S100A8: variants seen among roughly 807,000 people sequenced by gnomAD.
S100A8 encodes the protein S100 calcium binding protein A8.
Under a neutral mutation model 4.2 loss-of-function variants are expected in S100A8, and 1 was observed. The observed-to-expected ratio is 0.24, with a 90% CI of 0.08 to 1.12. The LOEUF (loss-of-function observed/expected upper bound fraction) is 1.12, where lower values mean the gene tolerates loss of function less well. Among genes scored for constraint, S100A8 ranks in the 50% most tolerant of loss-of-function variants. The pLI, the probability that S100A8 is intolerant of heterozygous loss-of-function variation, is 0.53. For synonymous variants in S100A8, 41 were observed against 44.7 expected, an observed-to-expected ratio of 0.92 and a Z score of 0.33; for missense variants, 96 against 111.8, an observed-to-expected ratio of 0.86 and a Z score of 0.64.
At chr1:153,417,861 G>T in the S100A8 span, 1 of 561,388 alleles carries the variant, frequency 1.8e-6, no homozygotes. Flanking sequence ...TCTCTTCTTG[G>T]CCCTGGCCAG....
chr1:153,405,329 G>A, the S100A8 span, among the ~76,000 whole-genome samples: 1 of 149,782 alleles, frequency 6.7e-6, no homozygotes. Flanking sequence ...CCATTCGACA[G>A]GATGGTGGGT....
the S100A8 span, among the ~76,000 whole-genome samples, chr1:153,398,829 A>G: frequency 2.0e-5 from 3 of 152,202 alleles, no homozygotes; most frequent in Non-Finnish European, 2.9e-5. Flanking sequence ...CAGAGAGGAT[A>G]AGTAATTTCC....
At chr1:153,418,209 T>A in the S100A8 span, 1 of 1,613,958 alleles carries the variant, frequency 6.2e-7, no homozygotes, top group Non-Finnish European at 8.5e-7. Context: ...CTTCCCCAAT[T>A]TCCTCAGTGC....
chr1:153,397,206 C>T, the S100A8 span, among the ~76,000 whole-genome samples: 2 of 152,258 alleles, frequency 1.3e-5, no homozygotes, highest in Non-Finnish European at 2.9e-5. Flanking sequence ...ACACTGGGAG[C>T]TCCCCAAGAG....
the S100A8 span, chr1:153,420,603 TCTC>T: frequency 6.6e-6 from 1 of 152,304 alleles, no homozygotes; most frequent in Non-Finnish European, 1.5e-5. Flanking sequence ...CAGACCAGCA[TCTC>T]CTCTCCTTAT....
At chr1:153,406,142 A>C in the S100A8 span, among the ~76,000 whole-genome samples, 1 of 152,088 alleles carries the variant, frequency 6.6e-6, no homozygotes, top group Non-Finnish European at 1.5e-5. Flanking sequence ...CCCACCTGAA[A>C]AGTGATTTCT....
chr1:153,415,040 TTCTGAGTAATTTC>T, the S100A8 span, among the ~76,000 whole-genome samples: 1 of 152,186 alleles, frequency 6.6e-6, no homozygotes, highest in East Asian at 1.9e-4. Flanking sequence ...GACTTTCTTT[TTCTGAGTAATTTC>T]ACTTAAGATA....
chr1:153,401,423 A>G, the S100A8 span, among the ~76,000 whole-genome samples: 6 of 152,234 alleles, frequency 3.9e-5, no homozygotes, highest in Non-Finnish European at 7.4e-5. Flanking sequence ...TTTGGCCAAA[A>G]CTTCAGGTTA....
the S100A8 span, among the ~76,000 whole-genome samples, chr1:153,412,162 A>T: frequency 1.3e-5 from 2 of 152,364 alleles, no homozygotes; most frequent in East Asian, 3.9e-4. Context: ...GAGCTTCTGC[A>T]TAGCAAAAGA....
the S100A8 span, among the ~76,000 whole-genome samples, chr1:153,411,542 A>G: frequency 3.9e-5 from 6 of 152,398 alleles, no homozygotes; most frequent in East Asian, 9.6e-4. Flanking sequence ...TATTGTGAAA[A>G]TGGCCATACT....
At chr1:153,419,168 C>T in the S100A8 span, 7 of 1,614,004 alleles carry the variant, frequency 4.3e-6, no homozygotes, top group East Asian at 2.2e-5. Context: ...TACATTACCT[C>T]GCCACTGTCT....
At chr1:153,407,906 C>T in the S100A8 span, among the ~76,000 whole-genome samples, 1 of 152,168 alleles carries the variant, frequency 6.6e-6, no homozygotes, top group African/African-American at 2.4e-5. Context: ...AGCTGAGGGT[C>T]CTGACTGTTA....
At chr1:153,412,139 T>A in the S100A8 span, among the ~76,000 whole-genome samples, 1 of 152,176 alleles carries the variant, frequency 6.6e-6, no homozygotes, top group Non-Finnish European at 1.5e-5. Context: ...AAATGGGATC[T>A]AATTAAACTA....
the S100A8 span, among the ~76,000 whole-genome samples, chr1:153,399,390 T>A: frequency 6.6e-6 from 1 of 152,136 alleles, no homozygotes; most frequent in Non-Finnish European, 1.5e-5. Context: ...CATCTAAGAA[T>A]CACAAAAGGT....
the S100A8 span, among the ~76,000 whole-genome samples, chr1:153,412,763 A>G: frequency 2.6e-5 from 4 of 152,226 alleles, no homozygotes; most frequent in African/African-American, 9.6e-5. Flanking sequence ...GACTGGATTA[A>G]GAAAATGTGG....
At chr1:153,392,522 A>G (rs1399884188), upstream of S100A8, among the ~76,000 whole-genome samples, 2 of 152,248 alleles carry the variant, frequency 1.3e-5, no homozygotes, top group Admixed American at 6.5e-5. Context: ...ATTCAAACAG[A>G]TGTTTGTACA....
At chr1:153,415,137 T>A in the S100A8 span, among the ~76,000 whole-genome samples, 1 of 151,552 alleles carries the variant, frequency 6.6e-6, no homozygotes, top group African/African-American at 2.4e-5. Flanking sequence ...AGTATTCGTC[T>A]GTGTGTGTGT....
chr1:153,419,560 C>T, the S100A8 span: 43 of 509,652 alleles, frequency 8.4e-5, 1 homozygote, highest in South Asian at 1.1e-3. Context: ...TGGTGTCTGC[C>T]TCTGCACCGT....
chr1:153,417,550 C>T, the S100A8 span, among the ~76,000 whole-genome samples: 22 of 152,226 alleles, frequency 1.4e-4, no homozygotes, highest in Non-Finnish European at 2.6e-4. Flanking sequence ...CCTGCACGCA[C>T]TGTGTCATGC....
Sources: allele counts gnomAD v4.1 joint callset (sites outside exome capture counted in the v4.1 genomes callset), GRCh38; gene constraint gnomAD v4.1.1; transcripts MANE v1.5; gene names NCBI Gene and HGNC (gene_info 2026-07-23, HGNC 2026-07-21).